Variants in RANBP2 observed in about 807,000 individuals in gnomAD.
RANBP2 encodes RAN binding protein 2, also known as E3 SUMO-protein ligase RanBP2.
A neutral mutation model predicts 303.6 loss-of-function variants in RANBP2; 57 were observed. The ratio of observed to expected loss-of-function variants is 0.19; its 90% CI spans 0.15 to 0.23. The LOEUF (loss-of-function observed/expected upper bound fraction) is 0.23, where lower values mean the gene tolerates loss of function less well. Ranked by LOEUF, RANBP2 falls within the 10% of genes least tolerant of loss-of-function variation. RANBP2 has a pLI of 1.00. For missense variants in RANBP2, 3,138 were observed against 3,780.8 expected (o/e 0.83, Z 4.46); for synonymous variants, 1,167 against 1,301.5 (o/e 0.90, Z 2.23).
the RANBP2 span, among the ~76,000 whole-genome samples, chr2:109,232,368 T>C: frequency 2.6e-5 from 4 of 152,332 alleles, no homozygotes; most frequent in East Asian, 3.9e-4. Flanking sequence ...AGTATAAATA[T>C]GGCTCAGGTT....
chr2:109,728,336 A>T, the RANBP2 span, among the ~76,000 whole-genome samples: 1 of 152,234 alleles, frequency 6.6e-6, no homozygotes. Context: ...TTAGCAAAAT[A>T]GATGATCGTT....
At chr2:108,744,927 AG>A (rs1357936357) in intron 7 of RANBP2, among the ~76,000 whole-genome samples, 1 of 152,180 alleles carries the variant, frequency 6.6e-6, no homozygotes, top group African/African-American at 2.4e-5. Context: ...TAAAAGAAGG[AG>A]GAAAACATTT....
At chr2:109,696,356 G>C in the RANBP2 span, among the ~76,000 whole-genome samples, 1 of 152,128 alleles carries the variant, frequency 6.6e-6, no homozygotes, top group Admixed American at 6.5e-5. Flanking sequence ...ATTACTTTTT[G>C]TATATATGTG....
the RANBP2 span, among the ~76,000 whole-genome samples, chr2:109,240,286 G>A: frequency 6.6e-6 from 1 of 152,132 alleles, no homozygotes; most frequent in Admixed American, 6.5e-5. Context: ...GATCACTTGA[G>A]GTCGGGAGTC....
the RANBP2 span, among the ~76,000 whole-genome samples, chr2:108,931,518 T>C: frequency 6.6e-6 from 1 of 152,174 alleles, no homozygotes; most frequent in Non-Finnish European, 1.5e-5. Flanking sequence ...GAACAGGTTG[T>C]CCATCAAAGT....
the RANBP2 span, among the ~76,000 whole-genome samples, chr2:109,069,808 A>T: frequency 6.6e-6 from 1 of 152,150 alleles, no homozygotes; most frequent in Non-Finnish European, 1.5e-5. Flanking sequence ...TATTCCTTCA[A>T]CAATTATTGA....
the RANBP2 span, chr2:109,737,151 C>G: frequency 1.1e-6 from 1 of 945,818 alleles, no homozygotes; most frequent in Non-Finnish European, 1.5e-6. Flanking sequence ...CCTCGTCTTC[C>G]TCCTCTTCTT....
the RANBP2 span, chr2:109,613,319 G>T: frequency 2.3e-6 from 1 of 436,222 alleles, no homozygotes; most frequent in African/African-American, 2.1e-5. Context: ...CCCAATGGAG[G>T]AAAACTTGGA....
the RANBP2 span, among the ~76,000 whole-genome samples, chr2:109,497,210 G>A: frequency 6.6e-6 from 1 of 152,150 alleles, no homozygotes; most frequent in African/African-American, 2.4e-5. Flanking sequence ...TTAGTGTCCA[G>A]GGTATAGAAG....
chr2:109,706,191 A>G, the RANBP2 span, among the ~76,000 whole-genome samples: 2 of 152,202 alleles, frequency 1.3e-5, no homozygotes, highest in Non-Finnish European at 2.9e-5. Context: ...TCAGAGCAGC[A>G]GACCAGGAGC....
At chr2:109,558,169 A>C in the RANBP2 span, among the ~76,000 whole-genome samples, 4 of 152,206 alleles carry the variant, frequency 2.6e-5, no homozygotes, top group African/African-American at 9.7e-5. Flanking sequence ...AAAGAGAAAG[A>C]AAGAAAAAAA....
chr2:108,897,261 G>A, the RANBP2 span: 1 of 1,584,550 alleles, frequency 6.3e-7, no homozygotes, highest in Non-Finnish European at 8.7e-7. Context: ...GTTAGATGTT[G>A]CAAGTCACAG....
chr2:109,237,490 A>G, the RANBP2 span, among the ~76,000 whole-genome samples: 3 of 152,236 alleles, frequency 2.0e-5, no homozygotes, highest in African/African-American at 7.2e-5. Flanking sequence ...AGTCTTTAAA[A>G]CAAGCTTGTC....
the RANBP2 span, among the ~76,000 whole-genome samples, chr2:109,653,083 G>T: frequency 6.6e-6 from 1 of 152,152 alleles, no homozygotes; most frequent in Non-Finnish European, 1.5e-5. Flanking sequence ...CTTTAGGAAG[G>T]TGCCAGTTTG....
In RANBP2 at chr2:108,746,208, C is replaced by CTT. The variant is rs35544546; in HGVS notation, c.976-482_976-481dup. ...CAGGTGTGAGCCACCATGTCTGGCC[C>CTT]TTTTTTTTTTTTTTTTTTTTTTGCG... is the stretch of plus-strand genomic sequence containing the variant. On this transcript the variant is annotated intron_variant, in intron 7 of 28. Coordinates refer to ENST00000283195, the MANE Select transcript of RANBP2 (RefSeq NM_006267.5). Among the ~76,000 whole-genome samples the CTT allele has an allele frequency of 3.2e-3, 294 of 90,538 alleles. 1 individual carries two copies. The highest frequency in any genetic ancestry group is 4.3e-3 in the Non-Finnish European group (209 of 49,010). 59.4% of individuals were successfully genotyped at this position (90,538 alleles called of 152,430 possible). A position where few individuals can be genotyped will look rare whatever the true frequency, so the allele number is the denominator to read the frequency against.
chr2:109,766,263 T>C, the RANBP2 span, among the ~76,000 whole-genome samples: 1 of 151,138 alleles, frequency 6.6e-6, no homozygotes, highest in Admixed American at 6.7e-5. Flanking sequence ...AAGGGGCTGC[T>C]CATCAGCCTG....
At chr2:109,466,786 CATGTGTGTATCTAT>C in the RANBP2 span, among the ~76,000 whole-genome samples, 1 of 147,752 alleles carries the variant, frequency 6.8e-6, no homozygotes, top group Non-Finnish European at 1.5e-5. Context: ...TATACTTGTG[CATGTGTGTATCTAT>C]ATGTGTGTAT....
the RANBP2 span, chr2:109,124,677 G>C: frequency 6.6e-6 from 1 of 152,222 alleles, no homozygotes. Flanking sequence ...CCATTTTAAA[G>C]TGTACAGTTC....
chr2:108,879,747 ATTG>A, the RANBP2 span, among the ~76,000 whole-genome samples: 1 of 151,998 alleles, frequency 6.6e-6, no homozygotes, highest in African/African-American at 2.4e-5. Context: ...AGCCGCTATC[ATTG>A]TTGTGACTAG....
Sources: gnomAD v4.1 joint callset for allele counts (sites outside exome capture counted in the v4.1 genomes callset) on GRCh38, gnomAD v4.1.1 for gene constraint, MANE v1.5 for transcripts, NCBI Gene and HGNC (gene_info 2026-07-23, HGNC 2026-07-21) for gene names.